The following RGS7 variants were observed in gnomAD, a reference collection of about 807,000 sequenced individuals.
RGS7 encodes regulator of G-protein signaling 7.
Under a neutral mutation model 81.1 loss-of-function variants are expected in RGS7, and 27 were observed. The ratio of observed to expected loss-of-function variants is 0.33; its 90% CI spans 0.25 to 0.46. The LOEUF (loss-of-function observed/expected upper bound fraction) is 0.46. Among genes scored for constraint, RGS7 ranks in the 20% least tolerant of loss-of-function variants. The pLI, the probability that RGS7 is intolerant of heterozygous loss-of-function variation, is 1.00. For synonymous variants in RGS7, 208 were observed against 207.7 expected, an observed-to-expected ratio of 1.00 and a Z score of -0.01; for missense variants, 396 against 607.4, an observed-to-expected ratio of 0.65 and a Z score of 3.66.
intron 3 of RGS7, among the ~76,000 whole-genome samples, chr1:241,078,998 C>A (rs2062983887): frequency 1.3e-5 from 2 of 152,094 alleles, no homozygotes; most frequent in South Asian, 4.1e-4. Context: ...TAACTGTAAA[C>A]CAAACGACAA....
chr1:241,085,367 A>C (rs7511753), intron 3 of RGS7, among the ~76,000 whole-genome samples: 1 of 152,168 alleles, frequency 6.6e-6, no homozygotes, highest in Non-Finnish European at 1.5e-5. Context: ...GAAGTTTAAC[A>C]AAACATTGGT....
chr1:241,022,094 T>C (rs1249275572), intron 3 of RGS7, among the ~76,000 whole-genome samples: 1 of 152,226 alleles, frequency 6.6e-6, no homozygotes, highest in Admixed American at 6.5e-5. Flanking sequence ...AAACTGATTA[T>C]ATACAAGGGG....
chr1:240,816,005 C>T (rs1164829387), intron 11 of RGS7, among the ~76,000 whole-genome samples: 1 of 152,134 alleles, frequency 6.6e-6, no homozygotes, highest in Non-Finnish European at 1.5e-5. Flanking sequence ...CTTTGGAGTA[C>T]AAAGTAACTA....
intron 2 of RGS7, among the ~76,000 whole-genome samples, chr1:241,347,297 T>G (rs181617097): frequency 6.6e-6 from 1 of 152,184 alleles, no homozygotes; most frequent in Admixed American, 6.5e-5. Context: ...CTAAGGGAAG[T>G]TGAGACACTT....
At chr1:241,013,958 C>T (rs947865036) in intron 3 of RGS7, among the ~76,000 whole-genome samples, 5 of 152,162 alleles carry the variant, frequency 3.3e-5, no homozygotes, top group African/African-American at 9.7e-5. Flanking sequence ...TTCTTAAATC[C>T]TACTCTCAGT....
chr1:241,344,258 T>C (rs10465634), intron 2 of RGS7, among the ~76,000 whole-genome samples: 148,829 of 152,340 alleles, frequency 0.98, 72,808 homozygotes, highest in East Asian at 1. Flanking sequence ...ATTGTAAATG[T>C]TGCTTTATAT....
rs532807137 is a variant in RGS7 at position 240,895,079 on chromosome 1, G to A, written c.386-24960C>T. 3.3e-5 allele frequency among the ~76,000 whole-genome samples: 5 copies of A among 152,058 alleles called. No individual in the cohort carries two copies. In the East Asian group the frequency reaches 9.7e-4, roughly 30 times the overall value. Reference sequence around the variant, plus strand: ...TCGTGAGATCTGGTCATCTAAAAGTGTGTGGCCCTTCCCCCTCACTCTCTC... The same window carrying A: ...TCGTGAGATCTGGTCATCTAAAAGTATGTGGCCCTTCCCCCTCACTCTCTC... On this transcript the variant is annotated intron_variant, in intron 6 of 18. Coordinates refer to ENST00000440928, the MANE Select transcript of RGS7 (RefSeq NM_001364886.1).
At chr1:241,345,616 T>A (rs1422892801) in intron 2 of RGS7, among the ~76,000 whole-genome samples, 1 of 152,222 alleles carries the variant, frequency 6.6e-6, no homozygotes, top group Non-Finnish European at 1.5e-5. Context: ...ACTTAAAAGA[T>A]ACATTGAATT....
intron 2 of RGS7, among the ~76,000 whole-genome samples, chr1:241,201,774 C>T (rs1313532805): frequency 6.6e-6 from 1 of 152,070 alleles, no homozygotes; most frequent in African/African-American, 2.4e-5. Context: ...GAAACTTGGT[C>T]TAATTAAGGC....
intron 3 of RGS7, among the ~76,000 whole-genome samples, chr1:241,005,006 G>T (rs1174077748): frequency 5.9e-5 from 9 of 152,148 alleles, no homozygotes; most frequent in African/African-American, 2.2e-4. Context: ...TTCCAACGTG[G>T]TAAGTGCTAG....
chr1:241,212,875 G>A (rs574763207), intron 2 of RGS7, among the ~76,000 whole-genome samples: 4 of 152,292 alleles, frequency 2.6e-5, no homozygotes, highest in Admixed American at 1.3e-4. Flanking sequence ...ACTGCTGTGT[G>A]GGCCACAGCT....
At chr1:240,794,916 C>G (rs1686738061) in intron 18 of RGS7, among the ~76,000 whole-genome samples, 1 of 151,850 alleles carries the variant, frequency 6.6e-6, no homozygotes, top group African/African-American at 2.4e-5. Flanking sequence ...GGCGTGGTGG[C>G]TCATGCTTGT....
intron 6 of RGS7, among the ~76,000 whole-genome samples, chr1:240,906,025 C>T (rs563188838): frequency 3.3e-5 from 5 of 152,268 alleles, no homozygotes; most frequent in African/African-American, 9.6e-5. Flanking sequence ...ACCATCTGCC[C>T]GGCATAGTCC....
intron 9 of RGS7, among the ~76,000 whole-genome samples, chr1:240,856,765 C>T (rs960000131): frequency 1.3e-5 from 2 of 152,060 alleles, no homozygotes; most frequent in African/African-American, 2.4e-5. Flanking sequence ...AATTCTCATC[C>T]AGGAGAAATC....
At chr1:240,803,192 G>A (rs892265966) in intron 15 of RGS7, among the ~76,000 whole-genome samples, 199 bp from the exon 16 acceptor site, 2 of 151,986 alleles carry the variant, frequency 1.3e-5, no homozygotes, top group Non-Finnish European at 2.9e-5. Context: ...GTTTAAATTG[G>A]TTTAGGAGCT....
chr1:240,937,952 A>T (rs916600476), intron 4 of RGS7, among the ~76,000 whole-genome samples: 1 of 152,220 alleles, frequency 6.6e-6, no homozygotes, highest in African/African-American at 2.4e-5. Context: ...ATAGCTGCCA[A>T]CAATTTCTTC....
chr1:241,148,123 T>C (rs1018073627), intron 2 of RGS7, among the ~76,000 whole-genome samples: 17 of 148,376 alleles, frequency 1.1e-4, no homozygotes, highest in African/African-American at 4.0e-4. Context: ...CTATCTTGGC[T>C]CATTGCAGTA....
intron 3 of RGS7, among the ~76,000 whole-genome samples, chr1:241,070,780 G>A (rs1438744223): frequency 1.1e-4 from 1 of 8,996 alleles, no homozygotes; most frequent in Non-Finnish European, 1.1e-3. Context: ...GCCACGTTTG[G>A]GTAGCCAGCC....
chr1:241,315,721 T>G (rs917598736), intron 2 of RGS7, among the ~76,000 whole-genome samples: 42 of 152,242 alleles, frequency 2.8e-4, no homozygotes, highest in Admixed American at 8.5e-4. Context: ...TGGCTAGGAC[T>G]TCTAGTGCTA....
Sources: allele counts gnomAD v4.1 joint callset (sites outside exome capture counted in the v4.1 genomes callset), GRCh38; gene constraint gnomAD v4.1.1; transcripts MANE v1.5; gene names NCBI Gene and HGNC (gene_info 2026-07-23, HGNC 2026-07-21).